Variants in VRK2 observed in about 807,000 individuals in gnomAD.
VRK2 encodes serine/threonine-protein kinase VRK2.
In VRK2, 60 loss-of-function variants were observed where a neutral mutation model predicts 57.6. That is an observed-to-expected ratio of 1.04 (90% confidence interval 0.85 to 1.29). VRK2 has a LOEUF of 1.29. VRK2 is among the 50% of genes most tolerant of loss of function. The pLI, the probability that VRK2 is intolerant of heterozygous loss-of-function variation, is 0.00. For synonymous variants in VRK2, 231 were observed against 199.2 expected, an observed-to-expected ratio of 1.16 and a Z score of -1.35; for missense variants, 705 against 588.1, an observed-to-expected ratio of 1.20 and a Z score of -2.06.
At chr2:57,965,300 A>G (rs537951475) in intron 1 of VRK2, among the ~76,000 whole-genome samples, 130 of 152,344 alleles carry the variant, frequency 8.5e-4, no homozygotes, top group Middle Eastern at 3.4e-3. Context: ...AAATAGTTTC[A>G]TGGGAAAATA....
chr2:58,112,075 A>G (rs760385469), intron 7 of VRK2, among the ~76,000 whole-genome samples: 6 of 152,180 alleles, frequency 3.9e-5, no homozygotes, highest in Non-Finnish European at 7.3e-5. Flanking sequence ...TGACTTCAAC[A>G]TAATTTCAGA....
intron 10 of VRK2, 123 bp from the exon 11 acceptor site, chr2:58,139,543 T>A: frequency 1.3e-6 from 1 of 796,056 alleles, no homozygotes; most frequent in Non-Finnish European, 2.0e-6. Flanking sequence ...AATTGTTCAT[T>A]TTTAGTTTCT....
At chr2:57,991,743 C>A (rs1672773020) in intron 1 of VRK2, among the ~76,000 whole-genome samples, 1 of 149,176 alleles carries the variant, frequency 6.7e-6, no homozygotes, top group Admixed American at 6.7e-5. Flanking sequence ...AGGTCTAGAT[C>A]GAGACTATCC....
chr2:58,094,849 A>G (rs1349342697), intron 7 of VRK2, among the ~76,000 whole-genome samples: 4 of 152,210 alleles, frequency 2.6e-5, no homozygotes. Flanking sequence ...ATATAACAAT[A>G]CTAGCCATAA....
intron 2 of VRK2, among the ~76,000 whole-genome samples, chr2:58,028,917 T>C (rs867997788): frequency 8.1e-6 from 1 of 123,572 alleles, no homozygotes; most frequent in Non-Finnish European, 1.7e-5. Flanking sequence ...TATATATATA[T>C]ATATATATAT....
At chr2:58,137,190 A>T (rs1680514710) in intron 10 of VRK2, among the ~76,000 whole-genome samples, 2 of 50,896 alleles carry the variant, frequency 3.9e-5, no homozygotes, top group African/African-American at 1.6e-4. Context: ...ATCATATATG[A>T]TACATATATA....
At chr2:57,967,759 T>C (rs1364522994) in intron 1 of VRK2, among the ~76,000 whole-genome samples, 1 of 150,554 alleles carries the variant, frequency 6.6e-6, no homozygotes, top group South Asian at 2.1e-4. Context: ...TTCTGCTCCT[T>C]AATCAGCTTT....
intron 1 of VRK2, among the ~76,000 whole-genome samples, chr2:57,925,387 G>C (rs1277033776): frequency 6.6e-6 from 1 of 151,976 alleles, no homozygotes; most frequent in Non-Finnish European, 1.5e-5. Context: ...CTTGTTCTTG[G>C]TCTGTTCAGG....
chr2:58,119,987 AAC>A (rs1677174692), intron 7 of VRK2, among the ~76,000 whole-genome samples: 1 of 151,676 alleles, frequency 6.6e-6, no homozygotes, highest in African/African-American at 2.4e-5. Flanking sequence ...GACCTCCAAG[AAC>A]ATTTCTCATT....
intron 1 of VRK2, among the ~76,000 whole-genome samples, chr2:57,991,668 G>T (rs527376205): frequency 4.0e-4 from 61 of 152,042 alleles, no homozygotes; most frequent in African/African-American, 1.4e-3. Context: ...TCTGATTTTG[G>T]CCGGGTGTGG....
In VRK2 at chr2:58,147,041, C is replaced by CA. The variant is rs750967646; in HGVS notation, c.1182+568dup. ...TATTTAATTTTGTCAAAATGACCAA[C>CA]ATTTTATATGATTTATACACCATCA... is the stretch of plus-strand genomic sequence containing the variant. On this transcript the variant is annotated intron_variant, in intron 12 of 12. Coordinates refer to ENST00000340157, the MANE Select transcript of VRK2 (RefSeq NM_006296.7). 47 of 382,882 alleles carry CA rather than the reference C, an allele frequency of 1.2e-4. 1 individual carries two copies. Among genetic ancestry groups the CA allele is most frequent in the South Asian group, 9.9e-4 (44 of 44,414 alleles). 23.7% of individuals were successfully genotyped at this position (382,882 alleles called of 1,614,324 possible).
intron 2 of VRK2, among the ~76,000 whole-genome samples, chr2:58,071,344 G>T (rs1026976977): frequency 2.0e-5 from 3 of 151,946 alleles, no homozygotes; most frequent in Non-Finnish European, 4.4e-5. Flanking sequence ...CATGGATTAT[G>T]CTTTTGGTAT....
chr2:58,140,057 G>A (rs1178126093), intron 11 of VRK2, among the ~76,000 whole-genome samples: 1 of 151,992 alleles, frequency 6.6e-6, no homozygotes, highest in Non-Finnish European at 1.5e-5. Context: ...ATGAAAGAAA[G>A]CAGTCACTAC....
chr2:58,150,677 T>G (rs1682886538), intron 12 of VRK2, among the ~76,000 whole-genome samples: 1 of 151,298 alleles, frequency 6.6e-6, no homozygotes. Flanking sequence ...TTCTACTTAT[T>G]TTGCATTTAA....
intron 1 of VRK2, among the ~76,000 whole-genome samples, chr2:57,936,670 T>G (rs1345519815): frequency 6.6e-6 from 1 of 152,086 alleles, no homozygotes; most frequent in Admixed American, 6.6e-5. Context: ...CCTGTTGTAT[T>G]TATTAATTTC....
intron 2 of VRK2, among the ~76,000 whole-genome samples, chr2:58,027,022 T>C (rs1673951548): frequency 6.6e-6 from 1 of 152,120 alleles, no homozygotes; most frequent in East Asian, 1.9e-4. Context: ...CCCAGCCAAC[T>C]TTAACAGTTT....
At chr2:57,916,283 G>A (rs1670146057) in intron 1 of VRK2, among the ~76,000 whole-genome samples, 2 of 151,842 alleles carry the variant, frequency 1.3e-5, no homozygotes, top group African/African-American at 4.8e-5. Context: ...GCACATACCT[G>A]TAATCCCAGC....
chr2:58,094,431 T>C (rs1263375484), intron 7 of VRK2, among the ~76,000 whole-genome samples: 1 of 152,216 alleles, frequency 6.6e-6, no homozygotes, highest in Non-Finnish European at 1.5e-5. Flanking sequence ...GAAGCAGTTG[T>C]GAATGGGAGT....
At chr2:58,029,777 A>G (rs915257343) in intron 2 of VRK2, among the ~76,000 whole-genome samples, 1 of 152,058 alleles carries the variant, frequency 6.6e-6, no homozygotes, top group Non-Finnish European at 1.5e-5. Flanking sequence ...TCTTTGACTC[A>G]TCCTACATTA....
Sources: gnomAD v4.1 joint callset for allele counts (sites outside exome capture counted in the v4.1 genomes callset) on GRCh38, gnomAD v4.1.1 for gene constraint, MANE v1.5 for transcripts, NCBI Gene and HGNC (gene_info 2026-07-23, HGNC 2026-07-21) for gene names.